The following SYT12 variants were observed in gnomAD, a reference collection of about 807,000 sequenced individuals.
SYT12 encodes synaptotagmin 12.
Under a neutral mutation model 39.5 loss-of-function variants are expected in SYT12, and 27 were observed. That is an observed-to-expected ratio of 0.68 (90% confidence interval 0.50 to 0.94). SYT12 has a LOEUF of 0.94. Among genes scored for constraint, SYT12 ranks in the 40% least tolerant of loss-of-function variants. SYT12 has a pLI of 0.00. For missense variants in SYT12, 536 were observed against 572.6 expected (o/e 0.94, Z 0.65); for synonymous variants, 233 against 239.7 (o/e 0.97, Z 0.26).
upstream of SYT12, among the ~76,000 whole-genome samples, chr11:67,019,889 C>T (rs916867597): frequency 1.4e-5 from 2 of 143,208 alleles, no homozygotes; most frequent in Admixed American, 6.9e-5. Context: ...AGAGTGAGAC[C>T]CTGTCTCAAA....
chr11:67,031,183 T>A (rs1447118430), intron 2 of SYT12: 2 of 152,236 alleles, frequency 1.3e-5, no homozygotes, highest in African/African-American at 4.8e-5. Context: ...TACTTACTTA[T>A]CTGTAAAATG....
At chr11:67,035,867 T>TTTC (rs1404361341) in intron 3 of SYT12, among the ~76,000 whole-genome samples, 3 of 137,084 alleles carry the variant, frequency 2.2e-5, no homozygotes, top group East Asian at 2.1e-4. Flanking sequence ...TCTTTCTTTC[T>TTTC]TTCTTTCTTT....
intron 3 of SYT12, among the ~76,000 whole-genome samples, chr11:67,016,133 T>C (rs1404465870): frequency 6.6e-6 from 1 of 151,894 alleles, no homozygotes; most frequent in African/African-American, 2.4e-5. Flanking sequence ...ATACAAAAAT[T>C]AGCCGGGAGT....
In SYT12 at chr11:67,048,591, C is replaced by A. The variant is rs1219166972; in HGVS notation, c.1100C>A (p.Ser367Tyr). The A allele has an allele frequency of 2.5e-6, 4 of 1,599,434 alleles. No individual in the cohort carries two copies. Among genetic ancestry groups the A allele is most frequent in the African/African-American group, 1.3e-5 (1 of 74,698 alleles). The change falls in exon 8 of 8, where the codon TCT becomes TAT. Residue 367 changes from serine to tyrosine, a missense_variant. Coordinates refer to ENST00000527043, the MANE Select transcript of SYT12 (RefSeq NM_177963.4). ...ATGTTGCCTCTTCCTCAGGACCTGT[C>A]TCTCCGCGTGACGGTGGCTGAGAGC... Reference protein sequence around the residue: ...SVPAIVLQDLSLRVTVAESSS... With the variant: ...SVPAIVLQDLYLRVTVAESSS...
intron 1 of SYT12, among the ~76,000 whole-genome samples, chr11:67,024,710 G>A (rs1029448464): frequency 2.6e-5 from 4 of 152,184 alleles, no homozygotes; most frequent in Admixed American, 1.3e-4. Flanking sequence ...TTTGGGGGAT[G>A]GCAGCAGGAT....
intron 3 of SYT12, among the ~76,000 whole-genome samples, chr11:67,038,332 A>T (rs1049189271): frequency 6.6e-6 from 1 of 151,762 alleles, no homozygotes; most frequent in Admixed American, 6.6e-5. Context: ...ACACCCGGCT[A>T]ATTTTTGTAG....
intron 2 of SYT12, chr11:67,032,078 G>A (rs984729092): frequency 2.0e-5 from 3 of 152,230 alleles, no homozygotes; most frequent in Non-Finnish European, 2.9e-5. Context: ...CATTCCTTCT[G>A]TTTTTCCCTG....
At chr11:67,035,331 CTTTTTT>C (rs778976882) in intron 3 of SYT12, among the ~76,000 whole-genome samples, 1 of 136,516 alleles carries the variant, frequency 7.3e-6, no homozygotes, top group African/African-American at 2.7e-5. Flanking sequence ...TTCTTTCTTT[CTTTTTT>C]TTTTTTTTTT....
chr11:67,015,407 A>G (rs898342080), intron 3 of SYT12, among the ~76,000 whole-genome samples: 31 of 152,316 alleles, frequency 2.0e-4, no homozygotes, highest in South Asian at 4.1e-4. Context: ...CTGCTCTCCA[A>G]TGATCTGTGC....
intron 7 of SYT12, among the ~76,000 whole-genome samples, chr11:67,047,552 G>A (rs1854596952): frequency 6.6e-6 from 1 of 150,972 alleles, no homozygotes; most frequent in Non-Finnish European, 1.5e-5. Context: ...ACAGATGTGA[G>A]CCACCATGCC....
intron 2 of SYT12, among the ~76,000 whole-genome samples, chr11:67,033,524 C>T (rs956040440): frequency 1.3e-5 from 2 of 152,168 alleles, no homozygotes; most frequent in Non-Finnish European, 2.9e-5. Context: ...ACCTTGCTTC[C>T]AGGGAACTGT....
intron 1 of SYT12, among the ~76,000 whole-genome samples, chr11:67,025,545 T>C (rs1298510263): frequency 6.6e-6 from 1 of 152,134 alleles, no homozygotes; most frequent in Non-Finnish European, 1.5e-5. Context: ...CTGGTCCCAC[T>C]GTACCTCATT....
In SYT12 at chr11:67,047,650, A is replaced by C. The variant is rs368227223; in HGVS notation, c.1093-934A>C. Among the ~76,000 whole-genome samples the C allele has an allele frequency of 4.0e-5, 6 of 150,348 alleles. No homozygotes were observed. The South Asian group carries it at 8.7e-4, about 22-fold the overall frequency. Reference sequence around the variant, plus strand: ...AAGTCACTGCCCAAGGTCACACAGCAAGGAAGTGGAGGCCAGGCGTGGTGG... The same window carrying C: ...AAGTCACTGCCCAAGGTCACACAGCCAGGAAGTGGAGGCCAGGCGTGGTGG... On this transcript the variant is annotated intron_variant, in intron 7 of 7. Transcript: ENST00000527043.
chr11:67,036,808 T>C (rs1950390336), intron 3 of SYT12, among the ~76,000 whole-genome samples: 1 of 152,064 alleles, frequency 6.6e-6, no homozygotes, highest in Non-Finnish European at 1.5e-5. Flanking sequence ...GCACAGTGGC[T>C]CATGCCTGTA....
chr11:67,019,198 C>CACT (rs1950084589), upstream of SYT12, among the ~76,000 whole-genome samples: 1 of 152,068 alleles, frequency 6.6e-6, no homozygotes, highest in Non-Finnish European at 1.5e-5. Context: ...GATCGCTGGG[C>CACT]GTGGTGACTC....
intron 5 of SYT12, among the ~76,000 whole-genome samples, chr11:67,044,335 T>C (rs1456020869): frequency 2.0e-5 from 3 of 152,164 alleles, no homozygotes; most frequent in South Asian, 2.1e-4. Context: ...ACAGGCCGCC[T>C]CTGACCCTCC....
chr11:67,021,580 C>T (rs142640683), upstream of SYT12, among the ~76,000 whole-genome samples: 1,244 of 152,258 alleles, frequency 8.2e-3, 21 homozygotes, highest in African/African-American at 0.027. Flanking sequence ...TGTGCCTGGC[C>T]TCAACTTTGT....
At chr11:67,038,365 A>G (rs1222573508) in intron 3 of SYT12, among the ~76,000 whole-genome samples, 1 of 151,804 alleles carries the variant, frequency 6.6e-6, no homozygotes, top group East Asian at 2.0e-4. Context: ...CGGTTTCACC[A>G]TGTTGGCCAG....
chr11:67,041,871 G>C (rs866891393), intron 4 of SYT12, among the ~76,000 whole-genome samples: 2 of 152,194 alleles, frequency 1.3e-5, no homozygotes, highest in East Asian at 1.9e-4. Flanking sequence ...CAGAGCAGAG[G>C]GGGGAAGGGT....
Sources: gnomAD v4.1 joint callset for allele counts (sites outside exome capture counted in the v4.1 genomes callset) on GRCh38, gnomAD v4.1.1 for gene constraint, MANE v1.5 for transcripts, NCBI Gene and HGNC (gene_info 2026-07-23, HGNC 2026-07-21) for gene names.